The following DTHD1 variants were observed in gnomAD, a reference collection of about 807,000 sequenced individuals.
DTHD1 encodes the protein death domain containing 1.
A neutral mutation model predicts 74.8 loss-of-function variants in DTHD1; 59 were observed. The observed-to-expected ratio is 0.79, with a 90% CI of 0.64 to 0.98. The LOEUF (loss-of-function observed/expected upper bound fraction) is 0.98, where lower values mean the gene tolerates loss of function less well. Ranked by LOEUF, DTHD1 falls within the 50% of genes least tolerant of loss-of-function variation. The pLI is 0.00. For synonymous variants in DTHD1, 365 were observed against 371.1 expected (o/e 0.98, Z 0.19); for missense variants, 1,051 against 1,065.4 (o/e 0.99, Z 0.19).
rs560184268 is a variant in DTHD1, at chr4:36,300,477, C to T, written c.1643+5438C>T. Among the ~76,000 whole-genome samples the T allele has an allele frequency of 8.5e-5, 13 of 152,320 alleles. 1 individual carries two copies. In the South Asian group the frequency reaches 2.7e-3, roughly 32 times the overall value. ...TAATCCCCTCATTCCTGCCTGGTTG[C>T]TCCCTTAGCTGCAACCCTGACTTCA... On this transcript the variant is annotated intron_variant, in intron 5 of 9. Coordinates refer to ENST00000639862, the MANE Select transcript of DTHD1 (RefSeq NM_001170700.3).
chr4:36,306,258 A>T lies in DTHD1; in HGVS notation c.1711A>T (p.Arg571Ter). Residue 571 changes from arginine (R) to a stop codon, truncating the protein, a stop_gained, in exon 6 of 10, where the codon AGA becomes TGA. Transcript: ENST00000639862. LOFTEE classifies it high-confidence loss of function. The part of the protein sequence containing the change: ...ASECLKLLGF[R>*]SQDSGWCGLD... ...TGAATGTTTGAAATTACTGGGATTC[A>T]GAAGCCAAGACAGTGGTTGGTGTGG... 1 of 1,551,850 alleles carries T rather than the reference A, an allele frequency of 6.4e-7. No individual in the cohort carries two copies.
At chr4:36,323,126 G>A (rs749215246) in intron 8 of DTHD1, among the ~76,000 whole-genome samples, 5 of 152,136 alleles carry the variant, frequency 3.3e-5, no homozygotes, top group Non-Finnish European at 5.9e-5. Flanking sequence ...ACACATTTAC[G>A]TAAGCCATCT....
At chr4:36,303,929 A>G (rs1026452711) in intron 5 of DTHD1, among the ~76,000 whole-genome samples, 4 of 152,198 alleles carry the variant, frequency 2.6e-5, no homozygotes, top group African/African-American at 9.6e-5. Flanking sequence ...CCTTGGCCTC[A>G]AAGTGACACA....
chr4:36,327,364 CA>C (rs1758414712), intron 8 of DTHD1, among the ~76,000 whole-genome samples: 1 of 152,084 alleles, frequency 6.6e-6, no homozygotes, highest in African/African-American at 2.4e-5. Flanking sequence ...AGTGGAGTGA[CA>C]AAACCTGTGG....
In DTHD1 at chr4:36,284,649, T is replaced by C. The variant is rs1755599162; in HGVS notation, c.887+58T>C. On this transcript the variant is annotated intron_variant, in intron 2 of 9. Transcript: ENST00000639862. ...ATGCCTACTTATATGTGTGTTTCTA[T>C]AGTTAGTACATGTCTTAGTTCATTC... The C allele has an allele frequency of 8.6e-6, 11 of 1,281,138 alleles. No homozygotes were observed. The South Asian group carries it at 9.5e-5, about 11-fold the overall frequency. The allele number at this position is 1,281,138 out of a possible 1,614,324, so 79.4% of individuals were successfully genotyped here.
chr4:36,326,962 C>CTTTT (rs201334706), intron 8 of DTHD1, among the ~76,000 whole-genome samples: 1 of 145,534 alleles, frequency 6.9e-6, no homozygotes. Flanking sequence ...ATTTGTTTTT[C>CTTTT]TTTTTTTTTT....
chr4:36,297,869 C>T (rs1301219994), intron 5 of DTHD1, among the ~76,000 whole-genome samples: 1 of 151,836 alleles, frequency 6.6e-6, no homozygotes, highest in Non-Finnish European at 1.5e-5. Context: ...ATCCTTGAGT[C>T]CAGATCTAGG....
intron 9 of DTHD1, 40 bp from the exon 10 acceptor site, chr4:36,343,462 A>G: frequency 6.6e-7 from 1 of 1,520,876 alleles, no homozygotes; most frequent in Non-Finnish European, 8.9e-7. Context: ...ATCCCCCAGG[A>G]GAGGGTCCTA....
Position 36,284,010 on chromosome 4 carries a change from A to C in DTHD1, c.306A>C (p.Ile102=). The part of the protein sequence containing the change: ...IITFIDCLIK[I]TEHLGSTAAL... Reference sequence around the variant, plus strand: ...CTTTCATAGACTGCCTCATAAAAATAACTGAACATTTGGGGAGCACTGCTG... The same window carrying C: ...CTTTCATAGACTGCCTCATAAAAATCACTGAACATTTGGGGAGCACTGCTG... Residue 102 remains isoleucine (I), a synonymous_variant, in exon 2 of 10, where the codon ATA becomes ATC. Transcript: ENST00000639862. 1 of 1,536,866 alleles carries C rather than the reference A, an allele frequency of 6.5e-7. No homozygotes were observed. Among genetic ancestry groups the C allele is most frequent in the South Asian group, 1.2e-5 (1 of 84,030 alleles).
chr4:36,306,264 C>CAAGA lies in DTHD1; in HGVS notation c.1718_1721dup (p.Asp574GlufsTer9). 6.4e-7 allele frequency: 1 copy of CAAGA among 1,551,694 alleles called. No homozygotes were observed. Among genetic ancestry groups the CAAGA allele is most frequent in the Non-Finnish European group, 8.7e-7 (1 of 1,146,992 alleles). On this transcript the variant is annotated frameshift_variant, in exon 6 of 10. Transcript: ENST00000639862. LOFTEE classifies it high-confidence loss of function. The stretch of plus-strand genomic sequence containing the variant: ...TTTGAAATTACTGGGATTCAGAAGC[C>CAAGA]AAGACAGTGGTTGGTGTGGGCTTGA...
At chr4:36,303,761 A>T (rs1212813267) in intron 5 of DTHD1, among the ~76,000 whole-genome samples, 6 of 152,210 alleles carry the variant, frequency 3.9e-5, no homozygotes, top group Non-Finnish European at 8.8e-5. Context: ...AAAACTCTCA[A>T]ATCCCAAGGG....
At chr4:36,295,268 T>C (rs1756332271) in intron 5 of DTHD1, among the ~76,000 whole-genome samples, 1 of 152,152 alleles carries the variant, frequency 6.6e-6, no homozygotes, top group Non-Finnish European at 1.5e-5. Flanking sequence ...ATAAGAACTC[T>C]AGCAGAAATG....
At chr4:36,297,982 T>C (rs1756542041) in intron 5 of DTHD1, among the ~76,000 whole-genome samples, 2 of 151,934 alleles carry the variant, frequency 1.3e-5, no homozygotes, top group African/African-American at 4.8e-5. Flanking sequence ...CCAGAATTCC[T>C]GTGGAGTGGG....
At chr4:36,307,276 A>G (rs74988099) in intron 6 of DTHD1, among the ~76,000 whole-genome samples, 2,449 of 152,288 alleles carry the variant, frequency 0.016, 57 homozygotes, top group African/African-American at 0.056. Flanking sequence ...TGGAGGCCAG[A>G]AGTACAAAAT....
At chr4:36,325,865 G>A (rs1295769922) in intron 8 of DTHD1, among the ~76,000 whole-genome samples, 3 of 152,096 alleles carry the variant, frequency 2.0e-5, no homozygotes, top group Non-Finnish European at 4.4e-5. Context: ...TTCCTTGGAG[G>A]CCTATCACTA....
chr4:36,343,692 C>T lies in DTHD1; in HGVS notation c.2589C>T (p.Thr863=), dbSNP rs776907919. The change falls in exon 10 of 10, where the codon ACC becomes ACT. Residue 863 remains threonine (T), a synonymous_variant. Transcript: ENST00000639862. ...CFWKKSLPTF[T]DKLRLLARHL... The stretch of plus-strand genomic sequence containing the variant: ...GGAAAAAATCGCTTCCAACTTTCAC[C>T]GACAAACTTCGCCTCCTGGCTCGAC... 3.0e-5 allele frequency: 47 copies of T among 1,551,672 alleles called. No homozygotes were observed. The East Asian group carries it at 4.6e-4, about 15-fold the overall frequency.
chr4:36,285,032 G>A lies in DTHD1; in HGVS notation c.887+441G>A, dbSNP rs997992799. Among the ~76,000 whole-genome samples, 5 of 152,124 alleles carry A rather than the reference G, an allele frequency of 3.3e-5. No individual in the cohort carries two copies. The South Asian group carries it at 8.3e-4, about 25-fold the overall frequency. ...CAGTTAGACTATAGCAACATGCATA[G>A]TATTTCCATTTCATACCTCCCAAAG... is the stretch of plus-strand genomic sequence containing the variant. On this transcript the variant is annotated intron_variant, in intron 2 of 9. Transcript: ENST00000639862.
At chr4:36,338,183 T>A (rs1407935334) in intron 8 of DTHD1, among the ~76,000 whole-genome samples, 2 of 152,206 alleles carry the variant, frequency 1.3e-5, no homozygotes, top group African/African-American at 2.4e-5. Flanking sequence ...ATCTTTATAA[T>A]CTTGTAATTT....
chr4:36,304,066 T>C (rs550241462), intron 5 of DTHD1, among the ~76,000 whole-genome samples: 50 of 152,354 alleles, frequency 3.3e-4, no homozygotes, highest in African/African-American at 1.2e-3. Context: ...GTGAGCAGCA[T>C]TAATGAATGA....
Sources: allele counts gnomAD v4.1 joint callset (sites outside exome capture counted in the v4.1 genomes callset), GRCh38; gene constraint gnomAD v4.1.1; transcripts MANE v1.5; gene names NCBI Gene and HGNC (gene_info 2026-07-23, HGNC 2026-07-21).